The following ACOT1 variants were observed in gnomAD, a reference collection of about 807,000 sequenced individuals.
ACOT1 encodes acyl-coenzyme A thioesterase 1.
In ACOT1, 8 loss-of-function variants were observed where a neutral mutation model predicts 15.7. That is an observed-to-expected ratio of 0.51 (90% CI 0.30 to 0.92). The LOEUF (loss-of-function observed/expected upper bound fraction) is 0.92. Among genes scored for constraint, ACOT1 ranks in the 40% least tolerant of loss-of-function variants. ACOT1 has a pLI of 0.06. For missense variants in ACOT1, 151 were observed against 539.4 expected (o/e 0.28, Z 7.13); for synonymous variants, 67 against 241.2 (o/e 0.28, Z 6.69).
At chr14:73,500,421 AC>A in the ACOT1 span, 1 of 988,278 alleles carries the variant, frequency 1.0e-6, no homozygotes, top group Non-Finnish European at 1.5e-6. Flanking sequence ...TGGCTTATAC[AC>A]CCCCTTCCCA....
chr14:73,516,220 T>C, the ACOT1 span, among the ~76,000 whole-genome samples: 1 of 42,980 alleles, frequency 2.3e-5, no homozygotes, highest in Non-Finnish European at 3.4e-5. Context: ...GCCCATACAA[T>C]GCATCTCCTC....
the ACOT1 span, chr14:73,500,716 T>A: frequency 1.9e-6 from 3 of 1,613,644 alleles, no homozygotes; most frequent in East Asian, 6.7e-5. Flanking sequence ...GGAATTTCCT[T>A]GACCTAGCTT....
the ACOT1 span, among the ~76,000 whole-genome samples, chr14:73,524,310 A>AAAAAAAAAAAAAT: frequency 3.7e-5 from 2 of 54,788 alleles, no homozygotes; most frequent in Non-Finnish European, 6.2e-5. Context: ...AAAAAAAAAA[A>AAAAAAAAAAAAAT]ATATATATAT....
At chr14:73,519,887 G>C in the ACOT1 span, 1 of 152,164 alleles carries the variant, frequency 6.6e-6, no homozygotes, top group Admixed American at 6.6e-5. Context: ...GTGGTGATGC[G>C]CGCCTATAAT....
upstream of ACOT1, among the ~76,000 whole-genome samples, chr14:73,532,798 A>C (rs1413617587): frequency 8.9e-6 from 1 of 112,530 alleles, no homozygotes; most frequent in African/African-American, 2.9e-5. Context: ...ACTAAAACAT[A>C]CAAAAAAATT....
chr14:73,506,518 G>A, the ACOT1 span: 3 of 1,613,618 alleles, frequency 1.9e-6, no homozygotes, highest in African/African-American at 2.7e-5. Context: ...CCACAATCCG[G>A]TTCTTCCATT....
chr14:73,494,132 C>T, the ACOT1 span, among the ~76,000 whole-genome samples: 27 of 152,286 alleles, frequency 1.8e-4, no homozygotes, highest in East Asian at 4.8e-3. Context: ...TTACTTTCCA[C>T]TCTCATTTTT....
the ACOT1 span, chr14:73,523,018 A>G: frequency 6.2e-7 from 1 of 1,613,974 alleles, no homozygotes; most frequent in Non-Finnish European, 8.5e-7. Context: ...CCATAGGCAC[A>G]CTGGAGACAG....
At chr14:73,504,952 G>A in the ACOT1 span, among the ~76,000 whole-genome samples, 1 of 151,410 alleles carries the variant, frequency 6.6e-6, no homozygotes, top group Non-Finnish European at 1.5e-5. Context: ...TTTTTTTTTA[G>A]ATGGAGTCTC....
the ACOT1 span, chr14:73,522,735 T>C: frequency 1.9e-6 from 3 of 1,614,102 alleles, no homozygotes; most frequent in Non-Finnish European, 2.5e-6. Flanking sequence ...TTGGCAGAGC[T>C]TTCTGTCTTC....
the ACOT1 span, among the ~76,000 whole-genome samples, chr14:73,507,836 A>G: frequency 1.3e-5 from 2 of 152,112 alleles, no homozygotes; most frequent in Non-Finnish European, 2.9e-5. Context: ...TTCACCTCCC[A>G]GGCTGAAGTG....
the ACOT1 span, chr14:73,500,839 C>G: frequency 1.1e-6 from 1 of 944,164 alleles, no homozygotes; most frequent in Admixed American, 2.5e-5. Context: ...GGCTGTCAAT[C>G]CCATTCAGCC....
the ACOT1 span, chr14:73,522,909 C>T: frequency 6.2e-7 from 1 of 1,614,164 alleles, no homozygotes; most frequent in African/African-American, 1.3e-5. Context: ...CTGGGCAGGC[C>T]TCGCTGCCAC....
chr14:73,536,741 A>G (rs1888875725), upstream of ACOT1, among the ~76,000 whole-genome samples: 1 of 114,050 alleles, frequency 8.8e-6, no homozygotes, highest in Non-Finnish European at 1.9e-5. Context: ...TGTAAGGAAT[A>G]AAGCTCAGAG....
the ACOT1 span, among the ~76,000 whole-genome samples, chr14:73,524,310 A>AATATATATATATATAT: frequency 2.6e-4 from 14 of 54,768 alleles, no homozygotes; most frequent in Non-Finnish European, 3.7e-4. Flanking sequence ...AAAAAAAAAA[A>AATATATATATATATAT]ATATATATAT....
chr14:73,519,059 G>A, the ACOT1 span: 1 of 1,613,762 alleles, frequency 6.2e-7, no homozygotes. Context: ...CACTTTTCTG[G>A]AGTTTCAGGG....
chr14:73,506,804 G>GTTTTTTTTTTGTTTTTTTTTT, the ACOT1 span, among the ~76,000 whole-genome samples: 1 of 80,522 alleles, frequency 1.2e-5, no homozygotes, highest in East Asian at 5.8e-4. Context: ...GACTTTAACT[G>GTTTTTTTTTTGTTTTTTTTTT]TTTTTTTTTT....
At chr14:73,519,064 T>C in the ACOT1 span, 2 of 1,613,912 alleles carry the variant, frequency 1.2e-6, no homozygotes, top group Admixed American at 3.3e-5. Flanking sequence ...TTCTGGAGTT[T>C]CAGGGAAGAC....
At chr14:73,506,229 T>C in the ACOT1 span, among the ~76,000 whole-genome samples, 1 of 152,184 alleles carries the variant, frequency 6.6e-6, no homozygotes, top group East Asian at 1.9e-4. Context: ...TTTTGTGCTA[T>C]TTCATTGTGG....
Sources: gnomAD v4.1 joint callset for allele counts (sites outside exome capture counted in the v4.1 genomes callset) on GRCh38, gnomAD v4.1.1 for gene constraint, MANE v1.5 for transcripts, NCBI Gene and HGNC (gene_info 2026-07-23, HGNC 2026-07-21) for gene names.